HYKK: variants seen among roughly 807,000 people sequenced by gnomAD.
HYKK encodes 5-hydroxy-L-lysine kinase.
Under a neutral mutation model 29.7 loss-of-function variants are expected in HYKK, and 19 were observed. The observed-to-expected ratio is 0.64, with a 90% CI of 0.45 to 0.94. The LOEUF is 0.94. HYKK is among the 40% of genes least tolerant of loss of function. The probability of loss-of-function intolerance (pLI) is 0.00; values close to 1 mark genes in which losing one functional copy is unlikely to be tolerated. For synonymous variants in HYKK, 152 were observed against 158.1 expected, an observed-to-expected ratio of 0.96 and a Z score of 0.29; for missense variants, 390 against 443.4, an observed-to-expected ratio of 0.88 and a Z score of 1.08.
chr15:78,527,251 A>G, intron 3 of HYKK, 129 bp from the exon 4 acceptor site: 1 of 726,496 alleles, frequency 1.4e-6, no homozygotes, highest in African/African-American at 1.9e-5. Context: ...GTGCCACTGC[A>G]CTCCTGCCTG....
At chr15:78,528,629 C>A in intron 4 of HYKK, 1 of 524,804 alleles carries the variant, frequency 1.9e-6, no homozygotes, top group Non-Finnish European at 2.4e-6. Context: ...GTGGTGAAAC[C>A]CTGTTTCTAA....
chr15:78,508,585 G>T (rs1321850177), intron 1 of HYKK, among the ~76,000 whole-genome samples: 1 of 151,930 alleles, frequency 6.6e-6, no homozygotes, highest in African/African-American at 2.4e-5. Context: ...CTTCCTGCGG[G>T]CTTTTTCAGG....
In HYKK at chr15:78,513,152, G is replaced by A. The variant is rs774846574; in HGVS notation, c.64G>A (p.Ala22Thr). 1 of 1,614,114 alleles carries A rather than the reference G, an allele frequency of 6.2e-7. No individual in the cohort carries two copies. Among genetic ancestry groups the A allele is most frequent in the South Asian group, 1.1e-5 (1 of 91,080 alleles). The change falls in exon 2 of 5, where the codon GCC becomes ACC. Residue 22 changes from alanine (A) to threonine (T), a missense_variant. Physicochemically the swap from Ala to Thr is moderately conservative, Grantham distance 58 (BLOSUM62 0). Transcript: ENST00000388988. ...LSKPTFSEEQ[A>T]SALVESVFGL... ...CAAACCCACTTTCAGTGAGGAACAA[G>A]CCTCTGCGTTAGTGGAGTCAGTGTT...
At chr15:78,519,571 C>T (rs1258876332) in intron 3 of HYKK, among the ~76,000 whole-genome samples, 1 of 152,040 alleles carries the variant, frequency 6.6e-6, no homozygotes, top group African/African-American at 2.4e-5. Context: ...ACCAGCCTGG[C>T]CAACATAATG....
downstream of HYKK, chr15:78,537,209 A>G (rs995705880): frequency 2.1e-6 from 1 of 485,942 alleles, no homozygotes; most frequent in Non-Finnish European, 3.8e-6. Flanking sequence ...CTGTTTATCT[A>G]CCTATCCATC....
rs2141366793 is a variant in HYKK at position 78,534,702 on chromosome 15, G to A, written c.*1032G>A. 6.6e-6 allele frequency: 1 copy of A among 152,272 alleles called. No individual in the cohort carries two copies. The highest frequency in any genetic ancestry group is 2.1e-4 in the South Asian group (1 of 4,828). 9.4% of individuals were successfully genotyped at this position (152,272 alleles called of 1,614,324 possible). A position where few individuals can be genotyped will look rare whatever the true frequency, so the allele number is the denominator to read the frequency against. On this transcript the variant is annotated 3_prime_UTR_variant, in exon 5 of 5. Coordinates refer to ENST00000388988, the MANE Select transcript of HYKK (RefSeq NM_001013619.4). ...AGAAAGCATTGACAGCATTCTTGGA[G>A]AAAAAATTTTAACTTGTCTGAGAGG...
intron 4 of HYKK, among the ~76,000 whole-genome samples, chr15:78,531,945 C>CTA (rs34019921): frequency 0.31 from 47,885 of 152,020 alleles, 8,547 homozygotes; most frequent in Non-Finnish European, 0.42. Context: ...TGCCCACTCA[C>CTA]TGTTACATTG....
At chr15:78,530,286 C>T (rs1022104506) in intron 4 of HYKK, among the ~76,000 whole-genome samples, 1 of 151,872 alleles carries the variant, frequency 6.6e-6, no homozygotes, top group Non-Finnish European at 1.5e-5. Flanking sequence ...CTGCAACGTC[C>T]ACCTCCTGGG....
At chr15:78,515,984 T>A (rs2052129162) in intron 3 of HYKK, among the ~76,000 whole-genome samples, 1 of 152,186 alleles carries the variant, frequency 6.6e-6, no homozygotes, top group Non-Finnish European at 1.5e-5. Context: ...TTCATGCTGC[T>A]CACTGAAAAC....
chr15:78,529,349 A>C (rs950171275), intron 4 of HYKK, among the ~76,000 whole-genome samples: 1 of 152,228 alleles, frequency 6.6e-6, no homozygotes, highest in African/African-American at 2.4e-5. Flanking sequence ...GCTATTAAGA[A>C]CAGTGGTGCC....
chr15:78,521,864 A>G (rs1429897458), intron 3 of HYKK, among the ~76,000 whole-genome samples: 2 of 152,076 alleles, frequency 1.3e-5, no homozygotes, highest in African/African-American at 2.4e-5. Context: ...GAGAAGTTCT[A>G]TGGCTGCGTG....
rs371077280 is a variant in HYKK, at chr15:78,513,290, A to C, written c.202A>C (p.Asn68His). ...GPTEYVLKIS[N>H]TKASKNPDLI... ...AACTGAATATGTCCTCAAAATAAGCAACACCAAGGCTAGCAAAAATCCAGA... is the reference window on the plus strand; with the variant it reads ...AACTGAATATGTCCTCAAAATAAGCCACACCAAGGCTAGCAAAAATCCAGA... The change falls in exon 2 of 5, where the codon AAC becomes CAC. Residue 68 changes from asparagine (N) to histidine (H), a missense_variant. Physicochemically the swap from Asn to His is moderately conservative, Grantham distance 68 (BLOSUM62 1). Coordinates refer to ENST00000388988, the MANE Select transcript of HYKK (RefSeq NM_001013619.4). 362 of 1,614,252 alleles carry C rather than the reference A, an allele frequency of 2.2e-4. No homozygotes were observed. Among genetic ancestry groups the C allele is most frequent in the Non-Finnish European group, 2.9e-4 (340 of 1,180,050 alleles).
chr15:78,529,402 G>T (rs2052289430), intron 4 of HYKK, among the ~76,000 whole-genome samples: 1 of 152,186 alleles, frequency 6.6e-6, no homozygotes, highest in Non-Finnish European at 1.5e-5. Flanking sequence ...ATTAGTCTTT[G>T]AGTGTATACC....
chr15:78,514,805 T>G (rs953514906), intron 2 of HYKK, among the ~76,000 whole-genome samples, 163 bp from the exon 3 acceptor site: 1 of 152,070 alleles, frequency 6.6e-6, no homozygotes, highest in Non-Finnish European at 1.5e-5. Flanking sequence ...GGTTAGCACA[T>G]TTTTGTTGTT....
At chr15:78,509,894 G>C (rs376227028) in intron 1 of HYKK, among the ~76,000 whole-genome samples, 59 of 152,286 alleles carry the variant, frequency 3.9e-4, no homozygotes, top group African/African-American at 1.4e-3. Context: ...CAGGAAACAT[G>C]ATTGTCAAGA....
At chr15:78,529,489 T>A (rs1239643033) in intron 4 of HYKK, among the ~76,000 whole-genome samples, 3 of 152,210 alleles carry the variant, frequency 2.0e-5, no homozygotes, top group Non-Finnish European at 2.9e-5. Flanking sequence ...TCAAAAGTGG[T>A]TCTATGAATT....
At chr15:78,519,651 T>C (rs2052171268) in intron 3 of HYKK, among the ~76,000 whole-genome samples, 1 of 152,040 alleles carries the variant, frequency 6.6e-6, no homozygotes, top group Admixed American at 6.6e-5. Context: ...TCCCAGCTAC[T>C]TGGGAGGCTG....
chr15:78,530,597 G>A (rs2052302106), intron 4 of HYKK, among the ~76,000 whole-genome samples: 1 of 152,170 alleles, frequency 6.6e-6, no homozygotes, highest in Non-Finnish European at 1.5e-5. Context: ...CATTTGAAAT[G>A]TGGCTAGTGC....
At position 78,536,110 on chromosome 15, in the gene HYKK, C is replaced by A. The variant is rs996862045; in HGVS notation, c.*2440C>A. ...TAGCTCACTTAATTTTTACAACAAA[C>A]CTGTGTGGGAAGTACTGTTATAATT... is the stretch of plus-strand genomic sequence containing the variant. On this transcript the variant is annotated 3_prime_UTR_variant, in exon 5 of 5. Coordinates refer to ENST00000388988, the MANE Select transcript of HYKK (RefSeq NM_001013619.4). 2.0e-5 allele frequency: 3 copies of A among 152,140 alleles called. No individual in the cohort carries two copies. Among genetic ancestry groups the A allele is most frequent in the Admixed American group, 6.5e-5 (1 of 15,274 alleles). 9.4% of individuals were successfully genotyped at this position (152,140 alleles called of 1,614,324 possible).
Sources: allele counts gnomAD v4.1 joint callset (sites outside exome capture counted in the v4.1 genomes callset), GRCh38; gene constraint gnomAD v4.1.1; transcripts MANE v1.5; gene names NCBI Gene and HGNC (gene_info 2026-07-23, HGNC 2026-07-21).